Variants in TMEM114 observed in about 807,000 individuals in gnomAD.
The protein encoded by TMEM114 is transmembrane protein 114, also known as claudin-26.
Under a neutral mutation model 6.2 loss-of-function variants are expected in TMEM114, and 6 were observed. The ratio of observed to expected loss-of-function variants is 0.97; its 90% CI spans 0.53 to 1.91. TMEM114 has a LOEUF of 1.91. Among genes scored for constraint, TMEM114 ranks in the 40% most tolerant of loss-of-function variants. TMEM114 has a pLI of 0.01. For synonymous variants in TMEM114, 104 were observed against 73.0 expected, an observed-to-expected ratio of 1.42 and a Z score of -2.16; for missense variants, 218 against 158.3, an observed-to-expected ratio of 1.38 and a Z score of -2.02.
At chr16:8,558,268 C>A (rs575206286) in intron 2 of TMEM114, among the ~76,000 whole-genome samples, 2 of 151,988 alleles carry the variant, frequency 1.3e-5, no homozygotes, top group Non-Finnish European at 2.9e-5. Context: ...AGAAAAAAAA[C>A]AAAGTTCAAA....
downstream of TMEM114, among the ~76,000 whole-genome samples, chr16:8,565,681 C>G (rs543349576): frequency 7.9e-5 from 12 of 152,186 alleles, no homozygotes; most frequent in African/African-American, 2.9e-4. Flanking sequence ...TGCAACCACT[C>G]TCACCCCTGC....
intron 2 of TMEM114, among the ~76,000 whole-genome samples, chr16:8,548,448 A>G (rs550700187): frequency 1.3e-5 from 2 of 152,118 alleles, no homozygotes; most frequent in African/African-American, 4.8e-5. Context: ...TTTTATTATT[A>G]TTACCTCCCT....
Position 8,569,616 on chromosome 16 carries a change from C to G in TMEM114, c.*157G>C. On this transcript the variant is annotated 3_prime_UTR_variant, in exon 4 of 4. Transcript: ENST00000620492. ...CACAGGTACTAGGATAACAGCCAGG[C>G]CCCAAGCTTAGTCCGCGGGGATTTG... 3.5e-6 allele frequency: 5 copies of G among 1,435,020 alleles called. No homozygotes were observed. The highest frequency in any genetic ancestry group is 4.5e-6 in the Non-Finnish European group (5 of 1,099,060). 88.9% of individuals were successfully genotyped at this position (1,435,020 alleles called of 1,614,324 possible). A position where few individuals can be genotyped will look rare whatever the true frequency, so the allele number is the denominator to read the frequency against.
At chr16:8,530,152 C>T in the TMEM114 span, among the ~76,000 whole-genome samples, 2 of 152,010 alleles carry the variant, frequency 1.3e-5, no homozygotes, top group Admixed American at 1.3e-4. Flanking sequence ...TTTTTGCCTC[C>T]AATTTCTCAT....
At chr16:8,561,817 GGAGTGAATGAGT>G (rs548603580) in intron 2 of TMEM114, among the ~76,000 whole-genome samples, 13,690 of 150,936 alleles carry the variant, frequency 0.091, 620 homozygotes, top group Middle Eastern at 0.19. Context: ...AGTGAAGGAG[GGAGTGAATGAGT>G]GAGTGAATGA....
At chr16:8,537,228 T>C (rs1426820114), downstream of TMEM114, among the ~76,000 whole-genome samples, 1 of 151,738 alleles carries the variant, frequency 6.6e-6, no homozygotes, top group Non-Finnish European at 1.5e-5. Flanking sequence ...AGGCCAGGCA[T>C]GGTGGCTCAC....
chr16:8,541,538 G>A (rs1483572108), intron 2 of TMEM114, among the ~76,000 whole-genome samples: 1 of 152,058 alleles, frequency 6.6e-6, no homozygotes, highest in East Asian at 1.9e-4. Flanking sequence ...TCATTTTCTT[G>A]AACCAATGCC....
intron 2 of TMEM114, among the ~76,000 whole-genome samples, chr16:8,561,024 C>A (rs1336693050): frequency 6.6e-6 from 1 of 152,164 alleles, no homozygotes; most frequent in East Asian, 1.9e-4. Context: ...TCTTAAAAAC[C>A]ATCAGGTTTC....
rs1169107798 is a variant in TMEM114 at position 8,569,704 on chromosome 16, C to T, written c.*69G>A. ...CCTTTGAGGAAGAAGAGGCCGCAGC[C>T]GATGGAGATCGGTCGGTGAAGCTCC... On this transcript the variant is annotated 3_prime_UTR_variant, in exon 4 of 4. Coordinates refer to ENST00000620492, the MANE Select transcript of TMEM114 (RefSeq NM_001146336.2). 5 of 1,477,228 alleles carry T rather than the reference C, an allele frequency of 3.4e-6. No homozygotes were observed. Among genetic ancestry groups the T allele is most frequent in the Non-Finnish European group, 4.5e-6 (5 of 1,111,846 alleles). The allele number at this position is 1,477,228 out of a possible 1,614,324, so 91.5% of individuals were successfully genotyped here. A position where few individuals can be genotyped will look rare whatever the true frequency, so the allele number is the denominator to read the frequency against.
intron 2 of TMEM114, among the ~76,000 whole-genome samples, chr16:8,557,987 C>G (rs1164971826): frequency 6.6e-6 from 1 of 152,202 alleles, no homozygotes; most frequent in Non-Finnish European, 1.5e-5. Context: ...GGTGCAGTGG[C>G]TCACACCTGT....
At chr16:8,552,678 G>A (rs1225131569) in intron 2 of TMEM114, among the ~76,000 whole-genome samples, 2 of 150,612 alleles carry the variant, frequency 1.3e-5, no homozygotes, top group African/African-American at 4.9e-5. Context: ...CACTGCCTGC[G>A]AGCCTATAAT....
chr16:8,540,414 T>C (rs867107842), intron 2 of TMEM114, among the ~76,000 whole-genome samples: 2 of 152,210 alleles, frequency 1.3e-5, no homozygotes, highest in Admixed American at 1.3e-4. Context: ...AGAGTGATGA[T>C]GATTGCATTG....
downstream of TMEM114, among the ~76,000 whole-genome samples, chr16:8,568,396 A>C (rs2141680225): frequency 6.6e-6 from 1 of 152,226 alleles, no homozygotes; most frequent in African/African-American, 2.4e-5. Flanking sequence ...TAATGATGAC[A>C]ATGCTGATGT....
chr16:8,528,441 TAGAC>T, the TMEM114 span, among the ~76,000 whole-genome samples: 1 of 152,116 alleles, frequency 6.6e-6, no homozygotes, highest in African/African-American at 2.4e-5. Context: ...CCCCCAAACA[TAGAC>T]AGCTGTCTCA....
At chr16:8,581,280 A>G (rs892588665) in intron 2 of TMEM114, among the ~76,000 whole-genome samples, 2 of 152,218 alleles carry the variant, frequency 1.3e-5, no homozygotes, top group Non-Finnish European at 2.9e-5. Context: ...ACTAATATGC[A>G]TTAGTATATT....
chr16:8,547,488 G>A (rs1049687928), intron 2 of TMEM114, among the ~76,000 whole-genome samples: 1 of 150,824 alleles, frequency 6.6e-6, no homozygotes, highest in African/African-American at 2.4e-5. Flanking sequence ...TGCCTCCTGG[G>A]TTCAAGCTAT....
chr16:8,540,822 T>A (rs1049616922), intron 2 of TMEM114, among the ~76,000 whole-genome samples: 4 of 152,100 alleles, frequency 2.6e-5, no homozygotes, highest in Non-Finnish European at 5.9e-5. Flanking sequence ...AGAAGAGAGA[T>A]GTAGGATGTT....
At chr16:8,563,557 GTGAC>G (rs1381933395) in intron 2 of TMEM114, among the ~76,000 whole-genome samples, 1 of 150,742 alleles carries the variant, frequency 6.6e-6, no homozygotes, top group Admixed American at 6.6e-5. Flanking sequence ...AAGTGAATGA[GTGAC>G]TGAGGGAGGG....
At chr16:8,534,770 A>G (rs1348893465), downstream of TMEM114, among the ~76,000 whole-genome samples, 1 of 152,220 alleles carries the variant, frequency 6.6e-6, no homozygotes, top group East Asian at 1.9e-4. Context: ...TCATGCAACT[A>G]TCATCAGAGT....
Sources: gnomAD v4.1 joint callset for allele counts (sites outside exome capture counted in the v4.1 genomes callset) on GRCh38, gnomAD v4.1.1 for gene constraint, MANE v1.5 for transcripts, NCBI Gene and HGNC (gene_info 2026-07-23, HGNC 2026-07-21) for gene names.